PPP2R2C: variants seen among roughly 807,000 people sequenced by gnomAD.
PPP2R2C encodes protein phosphatase 2, regulatory subunit B, gamma.
A neutral mutation model predicts 45.3 loss-of-function variants in PPP2R2C; 10 were observed. The ratio of observed to expected loss-of-function variants is 0.22; its 90% CI spans 0.14 to 0.37. The LOEUF (loss-of-function observed/expected upper bound fraction) is 0.37, where lower values mean the gene tolerates loss of function less well. PPP2R2C is among the 10% of genes least tolerant of loss of function. The probability of loss-of-function intolerance (pLI) is 1.00; values close to 1 mark genes in which losing one functional copy is unlikely to be tolerated. For synonymous variants in PPP2R2C, 257 were observed against 245.4 expected (o/e 1.05, Z -0.44); for missense variants, 308 against 619.7 (o/e 0.50, Z 5.34).
At chr4:6,335,408 G>A (rs1217679436) in intron 6 of PPP2R2C, among the ~76,000 whole-genome samples, 5 of 152,108 alleles carry the variant, frequency 3.3e-5, no homozygotes, top group Non-Finnish European at 5.9e-5. Context: ...CAGAAGGGAC[G>A]GCACACGCAA....
At chr4:6,517,549 C>T (rs1036431299) in intron 2 of PPP2R2C, among the ~76,000 whole-genome samples, 3 of 152,198 alleles carry the variant, frequency 2.0e-5, no homozygotes. Context: ...TACATATTTT[C>T]CCCATTTTGC....
chr4:6,388,535 G>A (rs1211650573), intron 1 of PPP2R2C, among the ~76,000 whole-genome samples: 2 of 152,176 alleles, frequency 1.3e-5, no homozygotes, highest in African/African-American at 2.4e-5. Context: ...AAGTCCATAT[G>A]AAGACACAGC....
intron 1 of PPP2R2C, among the ~76,000 whole-genome samples, chr4:6,389,473 T>C (rs1716449990): frequency 6.6e-6 from 1 of 151,966 alleles, no homozygotes. Context: ...AGGATGGAGG[T>C]GGGCGAGGAA....
chr4:6,495,804 G>A (rs1722863805), intron 2 of PPP2R2C, among the ~76,000 whole-genome samples: 1 of 152,198 alleles, frequency 6.6e-6, no homozygotes, highest in Non-Finnish European at 1.5e-5. Flanking sequence ...CGTGGTGTAT[G>A]AGTTCCCAGG....
intron 5 of PPP2R2C, among the ~76,000 whole-genome samples, chr4:6,352,111 C>T (rs1712618540): frequency 6.6e-6 from 1 of 152,160 alleles, no homozygotes; most frequent in Non-Finnish European, 1.5e-5. Flanking sequence ...ATGCCCTCCC[C>T]CGTGTGTAGA....
intron 1 of PPP2R2C, among the ~76,000 whole-genome samples, chr4:6,423,246 C>G (rs1719088117): frequency 6.6e-6 from 1 of 152,226 alleles, no homozygotes. Flanking sequence ...CTCTGTCACC[C>G]AGGCTGGAGT....
intron 5 of PPP2R2C, among the ~76,000 whole-genome samples, chr4:6,371,719 G>T (rs1229795045): frequency 6.6e-6 from 1 of 152,214 alleles, no homozygotes; most frequent in Non-Finnish European, 1.5e-5. Context: ...AGGAGACTTA[G>T]AATAGTACCT....
chr4:6,508,996 T>A (rs909966697), intron 2 of PPP2R2C, among the ~76,000 whole-genome samples: 1 of 152,188 alleles, frequency 6.6e-6, no homozygotes, highest in Non-Finnish European at 1.5e-5. Flanking sequence ...GCTCTAAAAC[T>A]TGCCTCAGTC....
chr4:6,395,836 C>T (rs1173087206), intron 1 of PPP2R2C, among the ~76,000 whole-genome samples: 2 of 152,134 alleles, frequency 1.3e-5, no homozygotes, highest in African/African-American at 4.8e-5. Context: ...ATCCTGGTAG[C>T]CCCCCAGCTG....
At chr4:6,371,938 T>G (rs1284481116) in intron 5 of PPP2R2C, among the ~76,000 whole-genome samples, 2 of 152,110 alleles carry the variant, frequency 1.3e-5, no homozygotes, top group Non-Finnish European at 2.9e-5. Flanking sequence ...AGGCTGGTGC[T>G]CATGTCATCA....
At chr4:6,409,398 T>C (rs1718003650) in intron 1 of PPP2R2C, among the ~76,000 whole-genome samples, 1 of 152,058 alleles carries the variant, frequency 6.6e-6, no homozygotes, top group Non-Finnish European at 1.5e-5. Context: ...GTCAGTGAGC[T>C]TCCTGGAAGA....
chr4:6,460,512 T>C (rs916625699), intron 1 of PPP2R2C, among the ~76,000 whole-genome samples: 15 of 152,208 alleles, frequency 9.9e-5, no homozygotes, highest in Admixed American at 9.2e-4. Flanking sequence ...GCTAAGAAAA[T>C]GGGCTGTGTT....
intron 6 of PPP2R2C, among the ~76,000 whole-genome samples, chr4:6,344,213 G>A (rs1182556094): frequency 6.6e-6 from 1 of 152,268 alleles, no homozygotes; most frequent in African/African-American, 2.4e-5. Flanking sequence ...AATCCGGAGA[G>A]GAGTGGAATC....
At chr4:6,381,329 C>T in intron 1 of PPP2R2C, 1 of 1,515,894 alleles carries the variant, frequency 6.6e-7, no homozygotes, top group Non-Finnish European at 8.8e-7. Context: ...CGGGACTTGG[C>T]ACAGGCCTGG....
chr4:6,489,451 A>G (rs1471316817), intron 2 of PPP2R2C, among the ~76,000 whole-genome samples: 1 of 152,142 alleles, frequency 6.6e-6, no homozygotes, highest in Non-Finnish European at 1.5e-5. Context: ...GATTCCCAGC[A>G]TAGCCCTCTC....
rs902705016 is a variant in PPP2R2C, at chr4:6,485,886, C to T, written c.49+49385G>A. Among the ~76,000 whole-genome samples, 6 of 151,718 alleles carry T rather than the reference C, an allele frequency of 4.0e-5. No homozygotes were observed. In the South Asian group the frequency reaches 1.2e-3, roughly 32 times the overall value. On this transcript the variant is annotated intron_variant, in intron 2 of 9. Transcript: ENST00000506140. ...TCTATTGTTTTTATTTTATATTTAG[C>T]CAATTTCTCTTCTGGTCCTTACTAT...
intron 2 of PPP2R2C, among the ~76,000 whole-genome samples, chr4:6,531,264 G>A (rs1466448067): frequency 6.6e-6 from 1 of 152,198 alleles, no homozygotes; most frequent in African/African-American, 2.4e-5. Context: ...GGGTGCAGAT[G>A]GCAGTGAGGA....
chr4:6,391,164 C>A (rs1716604244), intron 1 of PPP2R2C, among the ~76,000 whole-genome samples: 2 of 152,150 alleles, frequency 1.3e-5, no homozygotes, highest in African/African-American at 4.8e-5. Flanking sequence ...CCCAGGAACC[C>A]AGGATCTGCC....
intron 1 of PPP2R2C, among the ~76,000 whole-genome samples, chr4:6,460,066 C>T (rs1051092694): frequency 2.6e-5 from 4 of 152,150 alleles, no homozygotes; most frequent in Non-Finnish European, 5.9e-5. Context: ...TTCTGATACC[C>T]ACCAGCATGG....
Sources: allele counts gnomAD v4.1 joint callset (sites outside exome capture counted in the v4.1 genomes callset), GRCh38; gene constraint gnomAD v4.1.1; transcripts MANE v1.5; gene names NCBI Gene and HGNC (gene_info 2026-07-23, HGNC 2026-07-21).